TACC1: variants seen among roughly 807,000 people sequenced by gnomAD.
TACC1 encodes the protein transforming acidic coiled-coil-containing protein 1.
Under a neutral mutation model 84.4 loss-of-function variants are expected in TACC1, and 48 were observed. The observed-to-expected ratio is 0.57, with a 90% CI of 0.45 to 0.72. The LOEUF is 0.72. Ranked by LOEUF, TACC1 falls within the 30% of genes least tolerant of loss-of-function variation. The probability of loss-of-function intolerance (pLI) is 0.00; values close to 1 mark genes in which losing one functional copy is unlikely to be tolerated. For missense variants in TACC1, 920 were observed against 973.0 expected (o/e 0.95, Z 0.72); for synonymous variants, 372 against 376.3 (o/e 0.99, Z 0.13).
exon 3 of TACC1, chr8:38,745,463 T>C (rs988373829): frequency 1.2e-5 from 8 of 685,864 alleles, no homozygotes; most frequent in Non-Finnish European, 1.8e-5. Flanking sequence ...AAATCTGACC[T>C]GGAGATGAAT....
At chr8:38,770,230 A>G (rs188982323) in intron 3 of TACC1, among the ~76,000 whole-genome samples, 175 of 152,110 alleles carry the variant, frequency 1.2e-3, no homozygotes, top group African/African-American at 4.0e-3. Flanking sequence ...TGGTGTCACT[A>G]TAGCTGACAG....
At chr8:38,773,056 G>T (rs1037997932) in intron 3 of TACC1, among the ~76,000 whole-genome samples, 6 of 152,036 alleles carry the variant, frequency 3.9e-5, no homozygotes, top group Non-Finnish European at 8.8e-5. Context: ...GGCCCGGCGC[G>T]GTGGCTCACG....
chr8:38,827,076 A>C (rs1340396867), intron 4 of TACC1, 92 bp from the exon 5 acceptor site: 4 of 1,067,554 alleles, frequency 3.7e-6, no homozygotes, highest in Non-Finnish European at 5.6e-6. Context: ...ATCTGTATGG[A>C]GTTGTGTCTA....
At chr8:38,789,535 T>A (rs1313096500) in intron 2 of TACC1, among the ~76,000 whole-genome samples, 2 of 152,052 alleles carry the variant, frequency 1.3e-5, no homozygotes, top group Non-Finnish European at 2.9e-5. Context: ...CTGTGAAGGG[T>A]TAAGCAAAAT....
chr8:38,825,512 C>G, intron 4 of TACC1, 144 bp downstream of exon 4: 1 of 773,074 alleles, frequency 1.3e-6, no homozygotes, highest in Non-Finnish European at 2.2e-6. Flanking sequence ...CAGATCCTTA[C>G]TGTCCCTGAA....
At position 38,820,578 on chromosome 8, in the gene TACC1, G is replaced by A. The variant is rs374139863; in HGVS notation, c.1334G>A (p.Gly445Asp). Reference sequence around the variant, plus strand: ...AGCAGTGACTTTTGTTCTCCCACTGGTAATCACGTTAATGAAATCTTAGAA... The same window carrying A: ...AGCAGTGACTTTTGTTCTCCCACTGATAATCACGTTAATGAAATCTTAGAA... ...LTSSDFCSPT[G>D]NHVNEILESP... Residue 445 changes from glycine (G) to aspartate (D), a missense_variant, in exon 3 of 13, where the codon GGT (glycine) becomes GAT (aspartate). Physicochemically the swap from Gly to Asp is moderately conservative, Grantham distance 94 (BLOSUM62 -1). Transcript: ENST00000317827. 1.1e-4 allele frequency: 174 copies of A among 1,613,554 alleles called. 1 individual carries two copies. The South Asian group carries it at 1.8e-3, about 16-fold the overall frequency.
intron 3 of TACC1, among the ~76,000 whole-genome samples, chr8:38,822,052 C>G (rs1563799955): frequency 6.6e-6 from 1 of 151,856 alleles, no homozygotes; most frequent in South Asian, 2.1e-4. Flanking sequence ...GAGACACCCC[C>G]CCACACACAC....
At chr8:38,744,108 A>G (rs1807601157) in intron 2 of TACC1, 1 of 152,078 alleles carries the variant, frequency 6.6e-6, no homozygotes, top group East Asian at 1.9e-4. Context: ...CCCCCTTCTC[A>G]CTAATGCACT....
intron 1 of TACC1, among the ~76,000 whole-genome samples, chr8:38,731,881 GCAGA>G (rs1158557901): frequency 6.6e-6 from 1 of 152,204 alleles, no homozygotes; most frequent in Non-Finnish European, 1.5e-5. Flanking sequence ...GGAGGCCAAG[GCAGA>G]CAGATAACTT....
rs1276508887 is a variant in TACC1, at chr8:38,820,261, G to A, written c.1017G>A (p.Arg339=). 6.2e-7 allele frequency: 1 copy of A among 1,614,004 alleles called. No individual in the cohort carries two copies. Among genetic ancestry groups the A allele is most frequent in the African/African-American group, 1.3e-5 (1 of 74,912 alleles). The change falls in exon 3 of 13, where the codon AGG becomes AGA. Residue 339 remains arginine, a synonymous_variant. Transcript: ENST00000317827. The part of the protein sequence containing the change: ...GNIEARKALP[R]KLGRKLGSTL... The stretch of plus-strand genomic sequence containing the variant: ...TAGAGGCCAGGAAAGCCCTTCCAAG[G>A]AAGCTTGGCAGGAAACTGGGTAGCA...
At chr8:38,790,078 A>T (rs1277669936) in intron 2 of TACC1, among the ~76,000 whole-genome samples, 4 of 152,252 alleles carry the variant, frequency 2.6e-5, no homozygotes, top group African/African-American at 9.6e-5. Flanking sequence ...AGGTGTTGGC[A>T]GGGCCTTGCT....
In TACC1 at chr8:38,836,263, C is replaced by T. The variant is rs768054038; in HGVS notation, c.1815C>T (p.Ala605=). 27 of 1,611,218 alleles carry T rather than the reference C, an allele frequency of 1.7e-5. No individual in the cohort carries two copies. Among genetic ancestry groups the T allele is most frequent in the African/African-American group, 9.3e-5 (7 of 74,906 alleles). The part of the protein sequence containing the change: ...GICLSESDKT[A]VLTLIREEII... Reference sequence around the variant, plus strand: ...GCCTCAGCGAATCAGACAAGACAGCCGTGCTCACCTTAATAAGAGAAGAGG... The same window carrying T: ...GCCTCAGCGAATCAGACAAGACAGCTGTGCTCACCTTAATAAGAGAAGAGG... Residue 605 remains alanine, a synonymous_variant, in exon 7 of 13, where the codon GCC becomes GCT. Transcript: ENST00000317827.
In TACC1 at chr8:38,843,286, C is replaced by A; in HGVS notation, c.2122-3C>A. On this transcript the variant is annotated splice_region_variant and splice_polypyrimidine_tract_variant and intron_variant, in intron 10 of 12. Transcript: ENST00000317827. ...TTTATTTTCAATTTTTGCTTTGGAA[C>A]AGAATGAAGAAGCCTTGAAGAAATG... The A allele has an allele frequency of 6.4e-7, 1 of 1,568,174 alleles. No individual in the cohort carries two copies. The highest frequency in any genetic ancestry group is 1.2e-5 in the South Asian group (1 of 82,048).
At chr8:38,812,045 G>A (rs1824298700) in intron 2 of TACC1, among the ~76,000 whole-genome samples, 1 of 152,046 alleles carries the variant, frequency 6.6e-6, no homozygotes, top group Admixed American at 6.6e-5. Context: ...AATACGCTGT[G>A]GTCTCCTGCA....
At chr8:38,803,764 G>T (rs1358983272) in intron 2 of TACC1, among the ~76,000 whole-genome samples, 1 of 152,150 alleles carries the variant, frequency 6.6e-6, no homozygotes, top group African/African-American at 2.4e-5. Flanking sequence ...TTTGGCACCA[G>T]AGTAATATTG....
intron 1 of TACC1, among the ~76,000 whole-genome samples, chr8:38,734,844 T>G (rs1168629249): frequency 2.0e-5 from 3 of 152,272 alleles, no homozygotes; most frequent in Non-Finnish European, 4.4e-5. Flanking sequence ...TGACGCAGGC[T>G]GGCGGGGAGT....
intron 3 of TACC1, chr8:38,745,504 T>C: frequency 1.5e-6 from 1 of 687,874 alleles, no homozygotes; most frequent in Non-Finnish European, 2.6e-6. Flanking sequence ...GCAAGGGTTT[T>C]AATTTTTGTT....
chr8:38,797,961 G>A (rs1168325380), intron 2 of TACC1, among the ~76,000 whole-genome samples: 1 of 152,146 alleles, frequency 6.6e-6, no homozygotes, highest in Non-Finnish European at 1.5e-5. Flanking sequence ...GAACCCATGG[G>A]CATCTCATGA....
At chr8:38,773,984 C>T (rs1814261015) in intron 3 of TACC1, among the ~76,000 whole-genome samples, 1 of 152,206 alleles carries the variant, frequency 6.6e-6, no homozygotes, top group Non-Finnish European at 1.5e-5. Context: ...GGATGCTTAA[C>T]ATGGTCTTCT....
Sources: allele counts gnomAD v4.1 joint callset (sites outside exome capture counted in the v4.1 genomes callset), GRCh38; gene constraint gnomAD v4.1.1; transcripts MANE v1.5; gene names NCBI Gene and HGNC (gene_info 2026-07-23, HGNC 2026-07-21).